Variants in ABTB3 observed in about 807,000 individuals in gnomAD.
ABTB3 encodes the protein ankyrin repeat and BTB domain containing 3.
chr12:107,324,658 C>T, the ABTB3 span, among the ~76,000 whole-genome samples: 1 of 151,742 alleles, frequency 6.6e-6, no homozygotes, highest in African/African-American at 2.4e-5. Context: ...CCATGCTGGC[C>T]AGGCTGGTAT....
At chr12:107,544,770 T>A in the ABTB3 span, among the ~76,000 whole-genome samples, 1 of 152,202 alleles carries the variant, frequency 6.6e-6, no homozygotes, top group South Asian at 2.1e-4. Context: ...TCACTCTGAG[T>A]ACTGTAGGTG....
chr12:107,458,937 GC>G, the ABTB3 span, among the ~76,000 whole-genome samples: 1 of 152,228 alleles, frequency 6.6e-6, no homozygotes. Context: ...CTTGGCGGAT[GC>G]CTTGAAACTC....
the ABTB3 span, among the ~76,000 whole-genome samples, chr12:107,369,392 G>GTTTTTTTTTT: frequency 1.5e-5 from 2 of 134,904 alleles, no homozygotes; most frequent in Non-Finnish European, 3.1e-5. Context: ...TCAAACAAGG[G>GTTTTTTTTTT]TTTTTTTTTT....
At chr12:107,610,378 C>T in the ABTB3 span, 1 of 1,610,812 alleles carries the variant, frequency 6.2e-7, no homozygotes, top group Admixed American at 1.7e-5. Flanking sequence ...AGGGTCTGAA[C>T]AGGCTCCCCA....
At chr12:107,555,578 A>C in the ABTB3 span, among the ~76,000 whole-genome samples, 2 of 152,222 alleles carry the variant, frequency 1.3e-5, no homozygotes, top group African/African-American at 4.8e-5. Context: ...AAACGGAAAA[A>C]AAATCTGACT....
At chr12:107,333,764 A>G in the ABTB3 span, among the ~76,000 whole-genome samples, 1 of 152,222 alleles carries the variant, frequency 6.6e-6, no homozygotes, top group Non-Finnish European at 1.5e-5. Context: ...CAGAACTTAC[A>G]TTCTAGTGGG....
chr12:107,617,893 T>G, the ABTB3 span, among the ~76,000 whole-genome samples: 2 of 152,024 alleles, frequency 1.3e-5, no homozygotes, highest in African/African-American at 4.8e-5. Flanking sequence ...CGGTGACAAG[T>G]GCAGAGTTCT....
At chr12:107,610,295 C>A in the ABTB3 span, 2 of 1,614,136 alleles carry the variant, frequency 1.2e-6, no homozygotes, top group South Asian at 2.2e-5. Context: ...GACGAACAGA[C>A]CTGGTGAAGC....
At chr12:107,434,933 A>G in the ABTB3 span, among the ~76,000 whole-genome samples, 84 of 152,216 alleles carry the variant, frequency 5.5e-4, no homozygotes, top group Middle Eastern at 3.4e-3. Context: ...GGAGACAATA[A>G]TTAATTCTTC....
chr12:107,553,515 G>A, the ABTB3 span, among the ~76,000 whole-genome samples: 1 of 152,150 alleles, frequency 6.6e-6, no homozygotes, highest in East Asian at 1.9e-4. Context: ...TGCACCACCG[G>A]GGGAGGAAGG....
At chr12:107,568,379 G>T in the ABTB3 span, among the ~76,000 whole-genome samples, 1 of 141,704 alleles carries the variant, frequency 7.1e-6, no homozygotes, top group Non-Finnish European at 1.6e-5. Flanking sequence ...GAAAGACAAA[G>T]TCAAAAATCC....
At chr12:107,341,006 G>A in the ABTB3 span, among the ~76,000 whole-genome samples, 1 of 152,216 alleles carries the variant, frequency 6.6e-6, no homozygotes, top group Non-Finnish European at 1.5e-5. Context: ...CTAGGATGAT[G>A]TGAGATGTAA....
chr12:107,545,944 C>T, the ABTB3 span, among the ~76,000 whole-genome samples: 9 of 152,176 alleles, frequency 5.9e-5, no homozygotes, highest in African/African-American at 2.2e-4. Flanking sequence ...TCCGTCTCCC[C>T]GCTGCAGCTA....
chr12:107,443,254 C>CT, the ABTB3 span, among the ~76,000 whole-genome samples: 2,928 of 144,876 alleles, frequency 0.02, 29 homozygotes, highest in Admixed American at 0.026. Flanking sequence ...ATGGCGCGGC[C>CT]TTTTTTTTTT....
At chr12:107,421,114 GA>G in the ABTB3 span, among the ~76,000 whole-genome samples, 1 of 152,168 alleles carries the variant, frequency 6.6e-6, no homozygotes, top group African/African-American at 2.4e-5. Context: ...AGTCTATCGA[GA>G]AAAATTTTGT....
chr12:107,582,602 T>C, the ABTB3 span, among the ~76,000 whole-genome samples: 9 of 152,198 alleles, frequency 5.9e-5, no homozygotes, highest in African/African-American at 1.9e-4. Context: ...CGGTTATCAA[T>C]TGCAACAAAA....
chr12:107,377,204 G>T, the ABTB3 span, among the ~76,000 whole-genome samples: 1 of 152,146 alleles, frequency 6.6e-6, no homozygotes, highest in Non-Finnish European at 1.5e-5. Flanking sequence ...TGATGTAGGG[G>T]TATAAAAGCC....
At chr12:107,634,130 T>C in the ABTB3 span, among the ~76,000 whole-genome samples, 1 of 152,224 alleles carries the variant, frequency 6.6e-6, no homozygotes, top group Admixed American at 6.5e-5. Flanking sequence ...ATCTACCCAC[T>C]TTAATTGAAG....
the ABTB3 span, among the ~76,000 whole-genome samples, chr12:107,626,710 C>T: frequency 1.3e-4 from 20 of 152,114 alleles, no homozygotes; most frequent in South Asian, 4.2e-3. Context: ...CAGTGACTAT[C>T]CATGTCACCA....
Sources: gnomAD v4.1 joint callset for allele counts (sites outside exome capture counted in the v4.1 genomes callset) on GRCh38, gnomAD v4.1.1 for gene constraint, MANE v1.5 for transcripts, NCBI Gene and HGNC (gene_info 2026-07-23, HGNC 2026-07-21) for gene names.